Variants in CACNA1D observed in about 807,000 individuals in gnomAD.
CACNA1D encodes the protein calcium voltage-gated channel subunit alpha1 D.
A neutral mutation model predicts 257.1 loss-of-function variants in CACNA1D; 55 were observed. The ratio of observed to expected loss-of-function variants is 0.21; its 90% CI spans 0.17 to 0.27. The LOEUF (loss-of-function observed/expected upper bound fraction) is 0.27. Among genes scored for constraint, CACNA1D ranks in the 10% least tolerant of loss-of-function variants. The probability of loss-of-function intolerance (pLI) is 1.00; values close to 1 mark genes in which losing one functional copy is unlikely to be tolerated. For synonymous variants in CACNA1D, 980 were observed against 1,014.9 expected (o/e 0.97, Z 0.65); for missense variants, 1,876 against 2,784.0 (o/e 0.67, Z 7.34).
intron 9 of CACNA1D, among the ~76,000 whole-genome samples, chr3:53,705,766 C>T (rs902479914): frequency 6.6e-6 from 1 of 152,204 alleles, no homozygotes; most frequent in African/African-American, 2.4e-5. Context: ...AGGAGAGAAC[C>T]TCTCTGATCA....
chr3:53,564,704 A>G (rs1455475320), intron 3 of CACNA1D, among the ~76,000 whole-genome samples: 1 of 152,184 alleles, frequency 6.6e-6, no homozygotes, highest in Admixed American at 6.5e-5. Context: ...CACCTTATAA[A>G]TATCCATTAA....
intron 3 of CACNA1D, among the ~76,000 whole-genome samples, chr3:53,583,922 A>T (rs557849010): frequency 1.7e-4 from 26 of 152,328 alleles, no homozygotes; most frequent in Admixed American, 8.5e-4. Flanking sequence ...AAAAGTTCAA[A>T]GAGGACATTG....
chr3:53,541,670 G>A (rs1331507739), intron 3 of CACNA1D, among the ~76,000 whole-genome samples: 1 of 152,184 alleles, frequency 6.6e-6, no homozygotes, highest in East Asian at 1.9e-4. Flanking sequence ...AATTCTTTGA[G>A]TATATCTGTT....
At chr3:53,777,065 C>A (rs2095401891) in intron 37 of CACNA1D, 109 bp downstream of exon 37, 2 of 806,518 alleles carry the variant, frequency 2.5e-6, no homozygotes, top group African/African-American at 3.4e-5. Flanking sequence ...GCTAGGGATG[C>A]AGCAATGAAT....
chr3:53,534,885 C>T (rs763263984), intron 3 of CACNA1D, among the ~76,000 whole-genome samples: 8 of 152,242 alleles, frequency 5.3e-5, no homozygotes, highest in East Asian at 3.8e-4. Flanking sequence ...AGCTCCCCCA[C>T]GGAACGTTTC....
At chr3:53,507,255 T>TG (rs1196281536) in intron 3 of CACNA1D, among the ~76,000 whole-genome samples, 1 of 152,176 alleles carries the variant, frequency 6.6e-6, no homozygotes, top group African/African-American at 2.4e-5. Context: ...TACGTCATTT[T>TG]GACAAAGGCT....
chr3:53,686,014 AAG>A (rs542896470), intron 8 of CACNA1D, among the ~76,000 whole-genome samples: 255 of 152,224 alleles, frequency 1.7e-3, no homozygotes, highest in African/African-American at 6.0e-3. Flanking sequence ...AAAAAGGAAA[AAG>A]AGCAAATTAC....
chr3:53,606,551 G>T (rs1440011059), intron 3 of CACNA1D, among the ~76,000 whole-genome samples: 2 of 152,248 alleles, frequency 1.3e-5, no homozygotes, highest in Non-Finnish European at 2.9e-5. Context: ...TAGAATCTGA[G>T]TCAAGGGTAC....
chr3:53,530,791 A>C (rs1336508182), intron 3 of CACNA1D, among the ~76,000 whole-genome samples: 1 of 151,944 alleles, frequency 6.6e-6, no homozygotes, highest in African/African-American at 2.4e-5. Context: ...CATTTGCCTA[A>C]AATGTTCCCC....
intron 3 of CACNA1D, among the ~76,000 whole-genome samples, chr3:53,565,756 A>G (rs1160969948): frequency 6.6e-6 from 1 of 152,348 alleles, no homozygotes; most frequent in East Asian, 1.9e-4. Context: ...TGCCTTATTT[A>G]TCAAGTAAGA....
intron 3 of CACNA1D, among the ~76,000 whole-genome samples, chr3:53,526,122 C>T (rs915241469): frequency 1.3e-5 from 2 of 152,170 alleles, no homozygotes; most frequent in African/African-American, 4.8e-5. Flanking sequence ...TGTTTCTTCC[C>T]ATTGTCTCAG....
At chr3:53,802,849 C>T (rs767537368) in intron 43 of CACNA1D, among the ~76,000 whole-genome samples, 3 of 152,128 alleles carry the variant, frequency 2.0e-5, no homozygotes, top group South Asian at 2.1e-4. Context: ...CAGGATGAGC[C>T]GGGTTTCAGG....
chr3:53,619,785 G>A (rs1272546678), intron 3 of CACNA1D, among the ~76,000 whole-genome samples: 1 of 152,196 alleles, frequency 6.6e-6, no homozygotes, highest in African/African-American at 2.4e-5. Flanking sequence ...TACTGGGCAA[G>A]TGTAAAAGAA....
chr3:53,627,569 G>T (rs2093773719), intron 3 of CACNA1D, among the ~76,000 whole-genome samples: 2 of 141,566 alleles, frequency 1.4e-5, no homozygotes, highest in South Asian at 4.6e-4. Flanking sequence ...ACATGCTGAT[G>T]CTGTGTTCCC....
At chr3:53,510,126 T>C (rs1171043892) in intron 3 of CACNA1D, among the ~76,000 whole-genome samples, 1 of 152,228 alleles carries the variant, frequency 6.6e-6, no homozygotes, top group East Asian at 1.9e-4. Context: ...CATGAATACA[T>C]TGTTTCAAAT....
chr3:53,809,369 A>G lies in CACNA1D; in HGVS notation c.5871+599A>G, dbSNP rs180726099. 3.4e-3 allele frequency: 559 copies of G among 166,310 alleles called. 5 individuals are homozygous for G. The highest frequency in any genetic ancestry group is 0.013 in the African/African-American group (541 of 41,774). 10.3% of individuals were successfully genotyped at this position (166,310 alleles called of 1,614,324 possible). On this transcript the variant is annotated intron_variant, in intron 46 of 47. Coordinates refer to ENST00000350061, the MANE Select transcript of CACNA1D (RefSeq NM_001128840.3). ...GGCGCTTTTTCTTTCTGAAAATATCACATCAGAGATGCCATTCATTCGTGC... is the reference window on the plus strand; with the variant it reads ...GGCGCTTTTTCTTTCTGAAAATATCGCATCAGAGATGCCATTCATTCGTGC...
At chr3:53,565,510 G>A (rs1044172218) in intron 3 of CACNA1D, among the ~76,000 whole-genome samples, 1 of 152,096 alleles carries the variant, frequency 6.6e-6, no homozygotes, top group Non-Finnish European at 1.5e-5. Flanking sequence ...GTAGTGGCTT[G>A]TAGAAAGCTT....
intron 7 of CACNA1D, among the ~76,000 whole-genome samples, chr3:53,670,399 C>T (rs2094311200): frequency 6.6e-6 from 1 of 152,136 alleles, no homozygotes; most frequent in Non-Finnish European, 1.5e-5. Context: ...GGCTGGAGTG[C>T]AATGGCGTGA....
intron 2 of CACNA1D, among the ~76,000 whole-genome samples, chr3:53,499,205 G>A (rs2090477464): frequency 6.6e-6 from 1 of 152,120 alleles, no homozygotes; most frequent in African/African-American, 2.4e-5. Context: ...TTTTCCAGTT[G>A]CCAGACACAT....
Sources: allele counts gnomAD v4.1 joint callset (sites outside exome capture counted in the v4.1 genomes callset), GRCh38; gene constraint gnomAD v4.1.1; transcripts MANE v1.5; gene names NCBI Gene and HGNC (gene_info 2026-07-23, HGNC 2026-07-21).